The following ARHGAP15 variants were observed in gnomAD, a reference collection of about 807,000 sequenced individuals.
ARHGAP15 encodes the protein Rho GTPase activating protein 15, also known as rho GTPase-activating protein 15.
ARHGAP15 carries 51 observed loss-of-function variants against 63.7 expected under a neutral mutation model. The ratio of observed to expected loss-of-function variants is 0.80; its 90% CI spans 0.64 to 1.01. The LOEUF (loss-of-function observed/expected upper bound fraction) is 1.01, where lower values mean the gene tolerates loss of function less well. Among genes scored for constraint, ARHGAP15 ranks in the 50% least tolerant of loss-of-function variants. The pLI is 0.00. For missense variants in ARHGAP15, 560 were observed against 564.6 expected (o/e 0.99, Z 0.08); for synonymous variants, 191 against 193.8 (o/e 0.99, Z 0.12).
At chr2:143,220,552 C>G (rs1331550095) in intron 4 of ARHGAP15, among the ~76,000 whole-genome samples, 8 of 152,284 alleles carry the variant, frequency 5.3e-5, no homozygotes, top group African/African-American at 1.9e-4. Flanking sequence ...GCCTGCATTA[C>G]TTGATCAAAT....
chr2:143,726,952 A>T (rs922597503), intron 13 of ARHGAP15, among the ~76,000 whole-genome samples: 2 of 152,200 alleles, frequency 1.3e-5, no homozygotes, highest in African/African-American at 4.8e-5. Context: ...GTCACTATAT[A>T]GATATATAAA....
intron 6 of ARHGAP15, among the ~76,000 whole-genome samples, chr2:143,286,956 C>T (rs559172452): frequency 6.6e-6 from 1 of 152,116 alleles, no homozygotes; most frequent in Non-Finnish European, 1.5e-5. Flanking sequence ...CTGTTGTTGG[C>T]CAAAACATTG....
chr2:143,483,812 G>T (rs1272895757), intron 8 of ARHGAP15, among the ~76,000 whole-genome samples: 5 of 152,182 alleles, frequency 3.3e-5, no homozygotes, highest in Admixed American at 3.3e-4. Context: ...AGCAATTTTT[G>T]TTTGCTTGGG....
chr2:143,196,732 A>C (rs142293700), intron 2 of ARHGAP15, among the ~76,000 whole-genome samples: 157 of 152,100 alleles, frequency 1.0e-3, no homozygotes, highest in African/African-American at 3.6e-3. Context: ...TGAGGCTGTG[A>C]ACATTTAATT....
At chr2:143,299,059 G>A (rs999021345) in intron 6 of ARHGAP15, among the ~76,000 whole-genome samples, 1 of 151,824 alleles carries the variant, frequency 6.6e-6, no homozygotes, top group Non-Finnish European at 1.5e-5. Flanking sequence ...CCAGCACTGG[G>A]TCCTTCCTTT....
intron 13 of ARHGAP15, among the ~76,000 whole-genome samples, chr2:143,711,783 G>A (rs1684592685): frequency 6.6e-6 from 1 of 152,084 alleles, no homozygotes; most frequent in Non-Finnish European, 1.5e-5. Context: ...TAAAAAATTA[G>A]CCAGACATTG....
intron 2 of ARHGAP15, among the ~76,000 whole-genome samples, chr2:143,179,670 T>A (rs1691150502): frequency 1.3e-5 from 2 of 152,224 alleles, no homozygotes; most frequent in South Asian, 4.1e-4. Context: ...GGAGGATCAC[T>A]TGAGCCTTGG....
chr2:143,180,863 C>T (rs745598892), intron 2 of ARHGAP15, among the ~76,000 whole-genome samples: 10 of 151,956 alleles, frequency 6.6e-5, no homozygotes, highest in East Asian at 1.9e-4. Context: ...TTAGTAGAGA[C>T]GGGGTTTCAC....
intron 6 of ARHGAP15, among the ~76,000 whole-genome samples, chr2:143,417,453 T>C (rs1341082160): frequency 1.3e-5 from 2 of 152,210 alleles, no homozygotes; most frequent in African/African-American, 4.8e-5. Flanking sequence ...CAGATACACC[T>C]TGTTCTGTAC....
At chr2:143,260,478 C>T (rs988240470) in intron 6 of ARHGAP15, among the ~76,000 whole-genome samples, 3 of 152,076 alleles carry the variant, frequency 2.0e-5, no homozygotes, top group African/African-American at 7.2e-5. Context: ...AAGTTTTCTT[C>T]TGAATTCTCA....
chr2:143,681,350 T>C (rs1378219556), intron 12 of ARHGAP15, among the ~76,000 whole-genome samples: 1 of 152,194 alleles, frequency 6.6e-6, no homozygotes, highest in Non-Finnish European at 1.5e-5. Context: ...TGTGAAACTT[T>C]TGCAAACTTT....
chr2:143,342,091 C>G (rs530550067), intron 6 of ARHGAP15, among the ~76,000 whole-genome samples: 1 of 152,200 alleles, frequency 6.6e-6, no homozygotes, highest in East Asian at 1.9e-4. Context: ...TACCACAAGA[C>G]TTATTGTGAG....
At chr2:143,699,175 A>G (rs138631419) in intron 12 of ARHGAP15, among the ~76,000 whole-genome samples, 1 of 152,212 alleles carries the variant, frequency 6.6e-6, no homozygotes, top group Non-Finnish European at 1.5e-5. Flanking sequence ...GTATTTTTAG[A>G]TGTTTCTCCA....
intron 5 of ARHGAP15, among the ~76,000 whole-genome samples, chr2:143,243,003 C>A (rs796944277): frequency 1.3e-4 from 20 of 152,256 alleles, no homozygotes; most frequent in African/African-American, 4.8e-4. Context: ...CGCTAATAAC[C>A]TATTTCATAA....
At chr2:143,438,351 T>C (rs565623325) in intron 8 of ARHGAP15, among the ~76,000 whole-genome samples, 47 of 152,220 alleles carry the variant, frequency 3.1e-4, no homozygotes, top group Non-Finnish European at 5.3e-4. Context: ...TATATGTATA[T>C]ACACATACAT....
At chr2:143,238,547 G>C (rs983411995) in intron 5 of ARHGAP15, among the ~76,000 whole-genome samples, 15 of 152,184 alleles carry the variant, frequency 9.9e-5, no homozygotes, top group African/African-American at 3.6e-4. Flanking sequence ...AAAACAACAG[G>C]TGCTGGTGAG....
intron 8 of ARHGAP15, among the ~76,000 whole-genome samples, chr2:143,452,590 C>G (rs1410926876): frequency 6.6e-6 from 1 of 151,492 alleles, no homozygotes; most frequent in East Asian, 1.9e-4. Context: ...GTAAAAGATG[C>G]ATGTGTAACT....
chr2:143,707,854 G>A (rs1684402045), intron 13 of ARHGAP15, among the ~76,000 whole-genome samples: 1 of 152,198 alleles, frequency 6.6e-6, no homozygotes, highest in Non-Finnish European at 1.5e-5. Context: ...CAGAGATACA[G>A]TCTTTTGCAT....
At chr2:143,272,924 A>T (rs1681363274) in intron 6 of ARHGAP15, among the ~76,000 whole-genome samples, 1 of 151,620 alleles carries the variant, frequency 6.6e-6, no homozygotes, top group Admixed American at 6.6e-5. Flanking sequence ...ATATGATGGA[A>T]TTTTTTTTTA....
Sources: allele counts gnomAD v4.1 joint callset (sites outside exome capture counted in the v4.1 genomes callset), GRCh38; gene constraint gnomAD v4.1.1; transcripts MANE v1.5; gene names NCBI Gene and HGNC (gene_info 2026-07-23, HGNC 2026-07-21).